The following LTBP1 variants were observed in gnomAD, a reference collection of about 807,000 sequenced individuals.
LTBP1 encodes latent transforming growth factor beta binding protein 1, also known as latent-transforming growth factor beta-binding protein 1.
LTBP1 carries 129 observed loss-of-function variants against 207.6 expected under a neutral mutation model. The ratio of observed to expected loss-of-function variants is 0.62; its 90% CI spans 0.54 to 0.72. LTBP1 has a LOEUF of 0.72. Among genes scored for constraint, LTBP1 ranks in the 30% least tolerant of loss-of-function variants. The pLI is 0.00. For synonymous variants in LTBP1, 963 were observed against 833.7 expected, an observed-to-expected ratio of 1.16 and a Z score of -2.67; for missense variants, 2,281 against 2,217.2, an observed-to-expected ratio of 1.03 and a Z score of -0.58.
chr2:33,324,384 A>G (rs1333038896), intron 24 of LTBP1, among the ~76,000 whole-genome samples: 1 of 151,434 alleles, frequency 6.6e-6, no homozygotes, highest in Non-Finnish European at 1.5e-5. Flanking sequence ...ATAGGTATGT[A>G]TGTATGTATG....
chr2:32,970,265 T>G (rs975514680), intron 2 of LTBP1, among the ~76,000 whole-genome samples: 3 of 152,220 alleles, frequency 2.0e-5, no homozygotes, highest in Admixed American at 2.0e-4. Flanking sequence ...GCTCTTTAGT[T>G]TAATTAGGTT....
intron 3 of LTBP1, among the ~76,000 whole-genome samples, chr2:33,109,983 G>A (rs993882985): frequency 1.3e-5 from 2 of 152,126 alleles, no homozygotes; most frequent in Non-Finnish European, 2.9e-5. Flanking sequence ...TACAACATGG[G>A]GATTTCTTGC....
At chr2:33,234,173 T>C (rs2091927921) in intron 9 of LTBP1, among the ~76,000 whole-genome samples, 2 of 152,210 alleles carry the variant, frequency 1.3e-5, no homozygotes, top group Non-Finnish European at 2.9e-5. Context: ...TGTTTTTATT[T>C]AAACACCTTT....
intron 1 of LTBP1, among the ~76,000 whole-genome samples, chr2:32,948,457 G>T (rs147432466): frequency 5.1e-4 from 78 of 152,294 alleles, no homozygotes; most frequent in Non-Finnish European, 8.4e-4. Flanking sequence ...GTTTTGCTTA[G>T]TTGGCATGTT....
intron 4 of LTBP1, among the ~76,000 whole-genome samples, chr2:33,118,641 C>A (rs752865391): frequency 1.3e-4 from 20 of 152,214 alleles, no homozygotes; most frequent in Non-Finnish European, 2.6e-4. Flanking sequence ...CCTGAGAAGG[C>A]ATTCTGGTGA....
intron 15 of LTBP1, among the ~76,000 whole-genome samples, chr2:33,273,145 G>T (rs370740534): frequency 6.6e-6 from 1 of 152,160 alleles, no homozygotes; most frequent in African/African-American, 2.4e-5. Flanking sequence ...TTAGAAGTGG[G>T]AGGTCTTTGG....
intron 5 of LTBP1, among the ~76,000 whole-genome samples, chr2:33,180,233 T>C (rs2086479771): frequency 6.6e-6 from 1 of 152,190 alleles, no homozygotes; most frequent in African/African-American, 2.4e-5. Flanking sequence ...TAGGCAGTTT[T>C]AGAACACAAC....
intron 3 of LTBP1, among the ~76,000 whole-genome samples, chr2:33,075,072 CA>C (rs1202399549): frequency 6.6e-6 from 1 of 151,792 alleles, no homozygotes; most frequent in Non-Finnish European, 1.5e-5. Flanking sequence ...CAAAACAAAA[CA>C]AAAAATGGAT....
Position 33,134,983 on chromosome 2 carries a change from A to G in LTBP1, c.1201+23A>G. The stretch of plus-strand genomic sequence containing the variant: ...TGGGTGAGTTCCTCCACGGTCCCTA[A>G]CTGTCCTTACTGAGTCGAGTTTTAT... On this transcript the variant is annotated intron_variant, in intron 5 of 33. Transcript: ENST00000404816. The surrounding 1 kb of genome is among the most constrained non-coding windows in gnomAD (Gnocchi z 4.4). The G allele has an allele frequency of 6.4e-7, 1 of 1,570,452 alleles. No individual in the cohort carries two copies. The highest frequency in any genetic ancestry group is 8.6e-7 in the Non-Finnish European group (1 of 1,157,868).
intron 26 of LTBP1, among the ~76,000 whole-genome samples, chr2:33,350,869 A>T (rs1160251470): frequency 6.6e-6 from 1 of 152,192 alleles, no homozygotes; most frequent in Non-Finnish European, 1.5e-5. Context: ...CAGCCTTCAG[A>T]CCTTACCCAC....
At chr2:33,043,075 A>G (rs1452247043) in intron 3 of LTBP1, among the ~76,000 whole-genome samples, 2 of 152,316 alleles carry the variant, frequency 1.3e-5, no homozygotes, top group Admixed American at 6.5e-5. Context: ...AGGGAGGCCT[A>G]TAATCCCCAA....
chr2:33,277,813 T>TCTCTCTCTCTCTCTCTCTCTCTCTC (rs1558933843), intron 18 of LTBP1, among the ~76,000 whole-genome samples: 16 of 71,766 alleles, frequency 2.2e-4, no homozygotes, highest in Admixed American at 1.1e-3. Flanking sequence ...CTCTTTCTTT[T>TCTCTCTCTCTCTCTCTCTCTCTCTC]TTTCTTTCTT....
intron 26 of LTBP1, among the ~76,000 whole-genome samples, chr2:33,348,826 A>G (rs2094739821): frequency 6.6e-6 from 1 of 152,194 alleles, no homozygotes; most frequent in African/African-American, 2.4e-5. Flanking sequence ...AGAATACATA[A>G]AAAGGTAATT....
chr2:33,026,637 A>C (rs1311267260), intron 3 of LTBP1, among the ~76,000 whole-genome samples: 1 of 152,214 alleles, frequency 6.6e-6, no homozygotes, highest in Non-Finnish European at 1.5e-5. Flanking sequence ...TATGTGGAAA[A>C]AAAAGGCATT....
intron 2 of LTBP1, among the ~76,000 whole-genome samples, chr2:32,962,367 C>G (rs1311615994): frequency 6.6e-6 from 1 of 152,082 alleles, no homozygotes; most frequent in African/African-American, 2.4e-5. Context: ...TAAGTTAGTC[C>G]AAAATTTCAT....
intron 19 of LTBP1, among the ~76,000 whole-genome samples, chr2:33,284,952 C>A (rs1037613426): frequency 1.3e-5 from 2 of 152,070 alleles, no homozygotes; most frequent in African/African-American, 4.8e-5. Context: ...CCAACTATTA[C>A]CCTCCTCTAT....
At chr2:33,307,305 C>T (rs998507185) in intron 22 of LTBP1, among the ~76,000 whole-genome samples, 1 of 152,128 alleles carries the variant, frequency 6.6e-6, no homozygotes, top group African/African-American at 2.4e-5. Context: ...AAGGTAAAAT[C>T]ATATGTTCAC....
chr2:33,133,678 G>A (rs1234297485), intron 4 of LTBP1, among the ~76,000 whole-genome samples: 1 of 152,178 alleles, frequency 6.6e-6, no homozygotes, highest in Non-Finnish European at 1.5e-5. Context: ...AGAAATGAAT[G>A]AGGGTGGCTG....
rs187484612 is a variant in LTBP1, at chr2:33,232,444, C to T, written c.1876+10293C>T. Among the ~76,000 whole-genome samples, 225 of 152,194 alleles carry T rather than the reference C, an allele frequency of 1.5e-3. 1 individual carries two copies. Among genetic ancestry groups the T allele is most frequent in the African/African-American group, 5.0e-3 (209 of 41,520 alleles). ...AAAGAAAATGGATTTGTGGCTTAGA[C>T]CAGAGTCATTATTTTACAGGTATTG... is the stretch of plus-strand genomic sequence containing the variant. On this transcript the variant is annotated intron_variant, in intron 9 of 33. Transcript: ENST00000404816.
Sources: allele counts gnomAD v4.1 joint callset (sites outside exome capture counted in the v4.1 genomes callset), GRCh38; gene constraint gnomAD v4.1.1; non-coding constraint Gnocchi (gnomAD v3.1); transcripts MANE v1.5; gene names NCBI Gene and HGNC (gene_info 2026-07-23, HGNC 2026-07-21).